PHF21B: variants seen among roughly 807,000 people sequenced by gnomAD.
PHF21B encodes PHD finger protein 4.
In PHF21B, 22 loss-of-function variants were observed where a neutral mutation model predicts 62.2. The observed-to-expected ratio is 0.35, with a 90% CI of 0.25 to 0.51. PHF21B has a LOEUF of 0.51. Among genes scored for constraint, PHF21B ranks in the 20% least tolerant of loss-of-function variants. The pLI is 0.97. For synonymous variants in PHF21B, 341 were observed against 314.7 expected (o/e 1.08, Z -0.88); for missense variants, 701 against 707.9 (o/e 0.99, Z 0.11).
Position 45,009,347 on chromosome 22 carries a change from G to C in PHF21B, c.54+149C>G, listed in dbSNP as rs887577415. On this transcript the variant is annotated intron_variant, in intron 1 of 12. Coordinates refer to ENST00000313237, the MANE Select transcript of PHF21B (RefSeq NM_138415.5). This position sits in a 1 kb window ranked among gnomAD's most constrained non-coding sequence, Gnocchi z 5.9. ...GGGGAGCCCAGAAGGGGGTCCGCGC[G>C]TGTGCTCACTCCCTCGCCCCCCGCC... 6.4e-6 allele frequency: 5 copies of C among 783,756 alleles called. No homozygotes were observed. The highest frequency in any genetic ancestry group is 9.7e-6 in the Non-Finnish European group (5 of 516,050). 48.6% of individuals were successfully genotyped at this position (783,756 alleles called of 1,614,324 possible).
intron 2 of PHF21B, among the ~76,000 whole-genome samples, chr22:44,982,246 A>G (rs75905142): frequency 0.019 from 2,962 of 152,268 alleles, 102 homozygotes; most frequent in African/African-American, 0.067. Flanking sequence ...ATCTCACTGC[A>G]GGAGTGAATG....
At position 44,963,094 on chromosome 22, in the gene PHF21B, C is replaced by T. The variant is rs540691805; in HGVS notation, c.121-42604G>A. Among the ~76,000 whole-genome samples, 19 of 152,370 alleles carry T rather than the reference C, an allele frequency of 1.2e-4. No homozygotes were observed. The South Asian group carries it at 3.9e-3, about 32-fold the overall frequency. ...CACAGGGGCTGCCCCCCAGATCCCT[C>T]CTCGTAACAGAATCAAGATCTCAGC... On this transcript the variant is annotated intron_variant, in intron 2 of 12. Transcript: ENST00000313237.
In PHF21B at chr22:44,969,602, G is replaced by A. The variant is rs11914013; in HGVS notation, c.120+38943C>T. On this transcript the variant is annotated intron_variant, in intron 2 of 12. Transcript: ENST00000313237. ...AATCACTTGAACCTGGGAGGTAGAGGTTACAGTGAGCTGAGATCACGCCAC... is the reference window on the plus strand; with the variant it reads ...AATCACTTGAACCTGGGAGGTAGAGATTACAGTGAGCTGAGATCACGCCAC... Among the ~76,000 whole-genome samples, 292 of 152,162 alleles carry A rather than the reference G, an allele frequency of 1.9e-3. 2 individuals carry two copies. Among genetic ancestry groups the A allele is most frequent in the African/African-American group, 6.6e-3 (276 of 41,514 alleles).
At chr22:45,007,181 G>GGC (rs1569289687) in intron 2 of PHF21B, among the ~76,000 whole-genome samples, 5 of 151,048 alleles carry the variant, frequency 3.3e-5, no homozygotes, top group Non-Finnish European at 7.4e-5. Context: ...GCCCAGACCA[G>GGC]GCGCGGGCCG....
chr22:45,008,360 C>G, intron 2 of PHF21B, 185 bp downstream of exon 2: 2 of 507,466 alleles, frequency 3.9e-6, no homozygotes. Flanking sequence ...CTCTCCCTGC[C>G]GCCTCCGAGA....
chr22:44,979,197 G>A (rs1474720033), intron 2 of PHF21B, among the ~76,000 whole-genome samples: 1 of 152,264 alleles, frequency 6.6e-6, no homozygotes, highest in Non-Finnish European at 1.5e-5. Context: ...GGATCCTCCT[G>A]CTGGCTTGGG....
Position 44,885,931 on chromosome 22 carries a change from T to C in PHF21B, c.1205A>G (p.Lys402Arg). Reference protein sequence around the residue: ...VCPRCQQKALKKDEGVPWTGM... With the variant: ...VCPRCQQKALRKDEGVPWTGM... The stretch of plus-strand genomic sequence containing the variant: ...AGTCCAGGGCACACCCTCGTCTTTC[T>C]TTAAGGCCTGGGGAGCAGACGGGGA... Residue 402 changes from lysine (K) to arginine (R), a missense_variant, in exon 11 of 13, where the codon AAG becomes AGG. Physicochemically the swap from Lys to Arg is conservative, Grantham distance 26. Transcript: ENST00000313237. 6.2e-7 allele frequency: 1 copy of C among 1,614,024 alleles called. No individual in the cohort carries two copies. Among genetic ancestry groups the C allele is most frequent in the Non-Finnish European group, 8.5e-7 (1 of 1,179,974 alleles).
At chr22:44,967,814 T>G (rs1238938821) in intron 2 of PHF21B, among the ~76,000 whole-genome samples, 1 of 152,192 alleles carries the variant, frequency 6.6e-6, no homozygotes, top group Non-Finnish European at 1.5e-5. Context: ...CTCCCCAGGC[T>G]GCCCTGGGCT....
At chr22:44,887,295 G>T (rs969680451) in intron 10 of PHF21B, among the ~76,000 whole-genome samples, 2 of 152,132 alleles carry the variant, frequency 1.3e-5, no homozygotes, top group African/African-American at 4.8e-5. Flanking sequence ...ACTCCCAAGC[G>T]TTTTCTCCCA....
intron 2 of PHF21B, among the ~76,000 whole-genome samples, chr22:45,005,694 T>C (rs1010568204): frequency 2.6e-5 from 4 of 152,240 alleles, no homozygotes; most frequent in African/African-American, 9.6e-5. Flanking sequence ...CTGTTCATTT[T>C]ACTATCTAGT....
At chr22:44,946,762 G>A (rs999391128) in intron 2 of PHF21B, among the ~76,000 whole-genome samples, 11 of 152,254 alleles carry the variant, frequency 7.2e-5, no homozygotes, top group African/African-American at 2.6e-4. Context: ...CCAGGTTGCA[G>A]GGGCTGCACA....
Position 44,887,931 on chromosome 22 carries a change from C to A in PHF21B, c.1197+32G>T. On this transcript the variant is annotated intron_variant, in intron 10 of 12. Coordinates refer to ENST00000313237, the MANE Select transcript of PHF21B (RefSeq NM_138415.5). Reference sequence around the variant, plus strand: ...CTACGGTGGGGACCTCCATGCCAGTCTGGGGTGAGGGGGTCACACAGCCTC... The same window carrying A: ...CTACGGTGGGGACCTCCATGCCAGTATGGGGTGAGGGGGTCACACAGCCTC... 2.8e-6 allele frequency: 4 copies of A among 1,431,752 alleles called. No homozygotes were observed. In the South Asian group the frequency reaches 4.7e-5, roughly 17 times the overall value. 88.7% of individuals were successfully genotyped at this position (1,431,752 alleles called of 1,614,324 possible).
At chr22:44,911,323 GTT>G (rs533192208) in intron 5 of PHF21B, among the ~76,000 whole-genome samples, 1,889 of 152,304 alleles carry the variant, frequency 0.012, 41 homozygotes, top group African/African-American at 0.043. Flanking sequence ...GTAACGAGGA[GTT>G]ACTTATGTTA....
chr22:44,920,098 A>G (rs2071507846), intron 3 of PHF21B, among the ~76,000 whole-genome samples: 1 of 152,266 alleles, frequency 6.6e-6, no homozygotes, highest in Non-Finnish European at 1.5e-5. Flanking sequence ...GAAACAATGC[A>G]TAGGATGCAT....
rs1323245108 is a variant in PHF21B, at chr22:44,887,022, G to A, written c.1197+941C>T. On this transcript the variant is annotated intron_variant, in intron 10 of 12. Transcript: ENST00000313237. ...ATACAAAAAATTAGCCAGGAGTGGT[G>A]GCGCATGCCTGTAATCCCAGCTACT... Among the ~76,000 whole-genome samples the A allele has an allele frequency of 5.9e-5, 9 of 152,014 alleles. No homozygotes were observed. The South Asian group carries it at 1.9e-3, about 32-fold the overall frequency.
In PHF21B at chr22:44,888,111, G is replaced by A; in HGVS notation, c.1049C>T (p.Thr350Ile). 1 of 1,530,346 alleles carries A rather than the reference G, an allele frequency of 6.5e-7. No homozygotes were observed. Among genetic ancestry groups the A allele is most frequent in the Non-Finnish European group, 8.8e-7 (1 of 1,136,788 alleles). 94.8% of individuals were successfully genotyped at this position (1,530,346 alleles called of 1,614,324 possible). A position where few individuals can be genotyped will look rare whatever the true frequency, so the allele number is the denominator to read the frequency against. The change falls in exon 10 of 13, where the codon ACC (threonine) becomes ATC (isoleucine). Residue 350 changes from threonine to isoleucine, a missense_variant. Physicochemically the swap from Thr to Ile is moderately conservative, Grantham distance 89. Coordinates refer to ENST00000313237, the MANE Select transcript of PHF21B (RefSeq NM_138415.5). ...NEDPCWKNEI[T>I]HDEHCAACKR... is the part of the protein sequence containing the mutation. ...GCAGGCGGCACAGTGCTCATCGTGG[G>A]TGATCTCGTTCTGGAAGAGAAGGGA...
Position 44,896,147 on chromosome 22 carries a change from A to G in PHF21B, c.832-64T>C. 2.5e-6 allele frequency: 4 copies of G among 1,579,192 alleles called. No homozygotes were observed. The South Asian group carries it at 3.3e-5, about 13-fold the overall frequency. ...GTCAAAGTTCATTCATGCACTCAAC[A>G]AACATCTGCTGTGGCAGGTGCAGGG... On this transcript the variant is annotated intron_variant, in intron 5 of 12. Transcript: ENST00000313237.
intron 2 of PHF21B, among the ~76,000 whole-genome samples, chr22:44,955,180 A>G (rs1327709751): frequency 6.6e-6 from 1 of 152,182 alleles, no homozygotes; most frequent in Non-Finnish European, 1.5e-5. Context: ...CAGCAACACC[A>G]CCAGCCCCAC....
intron 2 of PHF21B, among the ~76,000 whole-genome samples, chr22:44,950,525 A>G (rs1036570969): frequency 6.6e-6 from 1 of 152,062 alleles, no homozygotes; most frequent in African/African-American, 2.4e-5. Flanking sequence ...GTGCAGACAC[A>G]GTCAACTAAG....
Sources: gnomAD v4.1 joint callset for allele counts (sites outside exome capture counted in the v4.1 genomes callset) on GRCh38, gnomAD v4.1.1 for gene constraint, Gnocchi (gnomAD v3.1) non-coding constraint, MANE v1.5 for transcripts, NCBI Gene and HGNC (gene_info 2026-07-23, HGNC 2026-07-21) for gene names.